CUBN: variants seen among roughly 807,000 people sequenced by gnomAD.
CUBN encodes the protein cubilin.
In CUBN, 282 loss-of-function variants were observed where a neutral mutation model predicts 405.3. The ratio of observed to expected loss-of-function variants is 0.70; its 90% confidence interval spans 0.63 to 0.77. The LOEUF (loss-of-function observed/expected upper bound fraction) is 0.77, where lower values mean the gene tolerates loss of function less well. CUBN is among the 30% of genes least tolerant of loss of function. CUBN has a pLI of 0.00. For missense variants in CUBN, 4,514 were observed against 4,475.2 expected (o/e 1.01, Z -0.25); for synonymous variants, 1,684 against 1,617.0 (o/e 1.04, Z -0.99).
intron 10 of CUBN, 28 bp downstream of exon 10, chr10:17,109,612 A>G: frequency 6.4e-7 from 1 of 1,572,176 alleles, no homozygotes; most frequent in Non-Finnish European, 8.8e-7. Context: ...TACAATACCC[A>G]AAGCCAAAGA....
At chr10:16,895,480 G>A (rs1564408908) in intron 54 of CUBN, among the ~76,000 whole-genome samples, 1 of 152,080 alleles carries the variant, frequency 6.6e-6, no homozygotes, top group Non-Finnish European at 1.5e-5. Context: ...ATTACTGAGA[G>A]GAGAGTGTTG....
chr10:16,844,364 A>G (rs1252073501), intron 60 of CUBN, among the ~76,000 whole-genome samples: 1 of 151,894 alleles, frequency 6.6e-6, no homozygotes, highest in Non-Finnish European at 1.5e-5. Context: ...TGTGAAATGC[A>G]TGGCACGTGT....
chr10:17,029,272 G>A (rs1231016875), intron 27 of CUBN, among the ~76,000 whole-genome samples: 1 of 152,196 alleles, frequency 6.6e-6, no homozygotes, highest in Non-Finnish European at 1.5e-5. Flanking sequence ...ATCCTTCATT[G>A]TGAAAGATGG....
chr10:16,913,326 C>T (rs1203153457), intron 48 of CUBN, among the ~76,000 whole-genome samples: 1 of 152,192 alleles, frequency 6.6e-6, no homozygotes, highest in African/African-American at 2.4e-5. Context: ...CTGCAGGAAG[C>T]TGAGAGTGCT....
intron 17 of CUBN, among the ~76,000 whole-genome samples, chr10:17,074,052 G>C (rs1835798451): frequency 6.6e-6 from 1 of 152,190 alleles, no homozygotes; most frequent in Non-Finnish European, 1.5e-5. Context: ...CCGCTGTTCA[G>C]TACAATTATT....
At chr10:16,972,920 T>A (rs149675114) in intron 31 of CUBN, among the ~76,000 whole-genome samples, 2 of 152,236 alleles carry the variant, frequency 1.3e-5, no homozygotes, top group African/African-American at 4.8e-5. Flanking sequence ...CTTTTTCCAT[T>A]GCTTCCCAAA....
intron 59 of CUBN, among the ~76,000 whole-genome samples, chr10:16,859,855 T>A (rs1262750475): frequency 6.6e-6 from 1 of 152,210 alleles, no homozygotes; most frequent in East Asian, 1.9e-4. Context: ...TTTGTGTACC[T>A]ATTATGTACG....
rs1298445979 is a variant in CUBN at position 16,824,512 on chromosome 10, C to G, written c.*463G>C. ...TCGAGAAAATGTACAAATATTGATT[C>G]TGGTTTTTTTTGTTTCTTTTTTTTT... On this transcript the variant is annotated 3_prime_UTR_variant, in exon 67 of 67. Coordinates refer to ENST00000377833, the MANE Select transcript of CUBN (RefSeq NM_001081.4). 5.9e-6 allele frequency: 1 copy of G among 168,178 alleles called. No homozygotes were observed. 10.4% of individuals were successfully genotyped at this position (168,178 alleles called of 1,614,324 possible). A position where few individuals can be genotyped will look rare whatever the true frequency, so the allele number is the denominator to read the frequency against.
At chr10:16,867,534 C>G (rs1237239375) in intron 59 of CUBN, among the ~76,000 whole-genome samples, 1 of 152,162 alleles carries the variant, frequency 6.6e-6, no homozygotes, top group Non-Finnish European at 1.5e-5. Flanking sequence ...TTAAACATTA[C>G]CATCAAAGAG....
chr10:17,104,571 G>A lies in CUBN; in HGVS notation c.1265C>T (p.Ser422Leu), dbSNP rs757328692. 7.4e-6 allele frequency: 12 copies of A among 1,613,454 alleles called. No homozygotes were observed. The highest frequency in any genetic ancestry group is 1.0e-5 in the Non-Finnish European group (12 of 1,179,934). The change falls in exon 12 of 67, where the codon TCA becomes TTA. Residue 422 changes from serine to leucine, a missense_variant. Physicochemically the swap from Ser to Leu is moderately radical, Grantham distance 145 (BLOSUM62 -2). This residue lies in a region of CUBN where 1,448 missense variants were observed against 1,388.0 expected (regional missense o/e 1.04). Transcript: ENST00000377833. ...TGTACAGTTGACACCTGTCCAACCTGAGTCACACTTACAAAAATAACCAGA... is the reference window on the plus strand; with the variant it reads ...TGTACAGTTGACACCTGTCCAACCTAAGTCACACTTACAAAAATAACCAGA... ...TVSGYFCKCD[S>L]GWTGVNCTEN...
At chr10:16,849,028 A>G (rs985650166) in intron 60 of CUBN, among the ~76,000 whole-genome samples, 1 of 151,968 alleles carries the variant, frequency 6.6e-6, no homozygotes, top group African/African-American at 2.4e-5. Context: ...TTAGGAAAGG[A>G]GAATTAAACT....
intron 56 of CUBN, among the ~76,000 whole-genome samples, chr10:16,887,571 A>G (rs1313874671): frequency 6.6e-6 from 1 of 152,250 alleles, no homozygotes; most frequent in East Asian, 1.9e-4. Context: ...GACAAGAGAT[A>G]AGTTTTGGCA....
intron 39 of CUBN, among the ~76,000 whole-genome samples, chr10:16,935,897 G>GAAAAAAAAAAAAAAAAAAAAAAAAAAAA (rs1177814967): frequency 9.5e-6 from 1 of 104,810 alleles, no homozygotes; most frequent in Non-Finnish European, 2.0e-5. Flanking sequence ...AAAAAAAAAA[G>GAAAAAAAAAAAAAAAAAAAAAAAAAAAA]AAAAAAAAAA....
intron 56 of CUBN, among the ~76,000 whole-genome samples, chr10:16,886,340 T>C (rs1037071920): frequency 6.6e-5 from 10 of 152,232 alleles, no homozygotes; most frequent in African/African-American, 1.9e-4. Flanking sequence ...AGATGTTGAA[T>C]GCTATAGAAC....
chr10:16,889,807 CAGG>C (rs1840939035), intron 55 of CUBN, among the ~76,000 whole-genome samples: 1 of 151,660 alleles, frequency 6.6e-6, no homozygotes, highest in South Asian at 2.1e-4. Context: ...CAGGCTAAGG[CAGG>C]AGAATAGCTT....
chr10:17,019,302 T>C (rs776582787), intron 28 of CUBN, among the ~76,000 whole-genome samples: 56 of 152,230 alleles, frequency 3.7e-4, no homozygotes, highest in Non-Finnish European at 6.9e-4. Context: ...TGCCCCTTCC[T>C]GTTTGACAAG....
chr10:17,044,903 G>T, intron 25 of CUBN, 104 bp downstream of exon 25: 2 of 1,156,242 alleles, frequency 1.7e-6, no homozygotes, highest in African/African-American at 1.5e-5. Context: ...ATGGATGTTC[G>T]GTTTAGATGC....
chr10:17,128,821 C>G (rs755746751), intron 2 of CUBN, among the ~76,000 whole-genome samples: 1 of 152,038 alleles, frequency 6.6e-6, no homozygotes, highest in Non-Finnish European at 1.5e-5. Context: ...AGAAATAAGA[C>G]CTAGTGTTTG....
At chr10:17,060,423 A>T (rs1835479677) in intron 22 of CUBN, among the ~76,000 whole-genome samples, 1 of 152,128 alleles carries the variant, frequency 6.6e-6, no homozygotes, top group African/African-American at 2.4e-5. Flanking sequence ...GCCTGGCCAC[A>T]ATCCCTGGTT....
Sources: gnomAD v4.1 joint callset for allele counts (sites outside exome capture counted in the v4.1 genomes callset) on GRCh38, gnomAD v4.1.1 for gene constraint, gnomAD v4.1.1 regional missense constraint, MANE v1.5 for transcripts, NCBI Gene and HGNC (gene_info 2026-07-23, HGNC 2026-07-21) for gene names.